The following OXR1 variants were observed in gnomAD, a reference collection of about 807,000 sequenced individuals.
OXR1 encodes oxidation resistance protein 1.
In OXR1, 41 loss-of-function variants were observed where a neutral mutation model predicts 104.6. The observed-to-expected ratio is 0.39, with a 90% CI of 0.31 to 0.51. The LOEUF is 0.51. Ranked by LOEUF, OXR1 falls within the 20% of genes least tolerant of loss-of-function variation. The pLI is 0.77. For synonymous variants in OXR1, 348 were observed against 348.4 expected (o/e 1.00, Z 0.01); for missense variants, 955 against 1,031.9 (o/e 0.93, Z 1.02).
chr8:106,270,764 A>G (rs1811763989), intron 1 of OXR1, among the ~76,000 whole-genome samples: 1 of 151,972 alleles, frequency 6.6e-6, no homozygotes. Context: ...GAGCAGCGTG[A>G]GAGCAGTGTT....
chr8:106,299,423 G>C (rs1303320827), intron 1 of OXR1, among the ~76,000 whole-genome samples: 1 of 152,230 alleles, frequency 6.6e-6, no homozygotes, highest in Non-Finnish European at 1.5e-5. Flanking sequence ...GCACATTAGA[G>C]TGATACACAA....
At chr8:106,446,542 T>TG in intron 2 of OXR1, among the ~76,000 whole-genome samples, 1 of 151,118 alleles carries the variant, frequency 6.6e-6, no homozygotes, top group South Asian at 2.1e-4. Flanking sequence ...TGCTTGAACC[T>TG]GGGAGGCGGA....
At chr8:106,404,184 G>C (rs1488260571) in intron 2 of OXR1, among the ~76,000 whole-genome samples, 1 of 152,114 alleles carries the variant, frequency 6.6e-6, no homozygotes, top group African/African-American at 2.4e-5. Context: ...GAGATGCTGG[G>C]AGTAAGGAAG....
chr8:106,724,234 A>G (rs1833117950), intron 11 of OXR1, among the ~76,000 whole-genome samples: 1 of 152,212 alleles, frequency 6.6e-6, no homozygotes, highest in African/African-American at 2.4e-5. Context: ...AATTATGAGA[A>G]CAGATTATGT....
chr8:106,658,143 C>T (rs934324528), intron 3 of OXR1: 6 of 1,245,736 alleles, frequency 4.8e-6, no homozygotes, highest in Non-Finnish European at 6.1e-6. Context: ...GTGCGGGTCC[C>T]CGCCCCACCG....
intron 7 of OXR1, 145 bp downstream of exon 7, chr8:106,693,022 G>T (rs1162661466): frequency 4.9e-5 from 25 of 505,420 alleles, no homozygotes; most frequent in Admixed American, 1.9e-4. Context: ...ATTATTTTGG[G>T]TTAGTATGGA....
chr8:106,348,557 G>A (rs988110890), intron 1 of OXR1, among the ~76,000 whole-genome samples: 2 of 151,738 alleles, frequency 1.3e-5, no homozygotes, highest in Non-Finnish European at 1.5e-5. Context: ...CAATCCACAT[G>A]GGTTTGAACC....
chr8:106,548,681 G>A (rs1255347565), intron 3 of OXR1, among the ~76,000 whole-genome samples: 2 of 152,166 alleles, frequency 1.3e-5, no homozygotes, highest in East Asian at 3.9e-4. Flanking sequence ...TATACTGTAT[G>A]TTTAGGAACT....
At chr8:106,742,359 C>A in intron 15 of OXR1, 42 bp downstream of exon 15, 1 of 1,119,618 alleles carries the variant, frequency 8.9e-7, no homozygotes, top group Non-Finnish European at 1.4e-6. Flanking sequence ...AAAGAGTTGA[C>A]ATAACATACT....
At position 106,692,806 on chromosome 8, in the gene OXR1, ACTT is replaced by A; in HGVS notation, c.607_609del (p.Ser203del). The A allele has an allele frequency of 6.2e-7, 1 of 1,606,038 alleles. No individual in the cohort carries two copies. The highest frequency in any genetic ancestry group is 1.1e-5 in the South Asian group (1 of 90,514). On this transcript the variant is annotated inframe_deletion, in exon 7 of 17. Coordinates refer to ENST00000517566, the MANE Select transcript of OXR1 (RefSeq NM_001198533.2). The stretch of plus-strand genomic sequence containing the variant: ...TCGACCTGCACGAGTTGTATCTTCA[ACTT>A]CTGAGGAGGAGGAAGCATTTACTGA...
intron 1 of OXR1, chr8:106,272,002 C>T (rs1811837043): frequency 6.6e-6 from 1 of 152,108 alleles, no homozygotes; most frequent in South Asian, 2.1e-4. Context: ...CACGATGGCT[C>T]CAAAAGGCCA....
chr8:106,545,546 A>G (rs1263414297), intron 3 of OXR1, among the ~76,000 whole-genome samples: 2 of 152,202 alleles, frequency 1.3e-5, no homozygotes, highest in African/African-American at 4.8e-5. Context: ...CTGTAAACCT[A>G]TAATAATTAA....
chr8:106,482,251 T>G (rs937041525), intron 2 of OXR1, among the ~76,000 whole-genome samples: 4 of 151,978 alleles, frequency 2.6e-5, no homozygotes, highest in Non-Finnish European at 5.9e-5. Context: ...GGCTGTGGTA[T>G]GGGCATGCCT....
At chr8:106,504,005 A>C (rs987278974) in intron 2 of OXR1, among the ~76,000 whole-genome samples, 1 of 152,318 alleles carries the variant, frequency 6.6e-6, no homozygotes, top group East Asian at 1.9e-4. Flanking sequence ...CCACCCAACA[A>C]GAGAGAGTCA....
At chr8:106,508,962 A>G (rs1039886144) in intron 2 of OXR1, among the ~76,000 whole-genome samples, 2 of 152,212 alleles carry the variant, frequency 1.3e-5, no homozygotes, top group Admixed American at 6.5e-5. Context: ...CAGCTTGTCC[A>G]TATGATTTAT....
chr8:106,718,478 C>T (rs182935897), intron 11 of OXR1, among the ~76,000 whole-genome samples: 1 of 152,288 alleles, frequency 6.6e-6, no homozygotes, highest in African/African-American at 2.4e-5. Flanking sequence ...ATTCTTACTG[C>T]TCACGATGTG....
At chr8:106,569,500 G>A (rs546549224) in intron 3 of OXR1, among the ~76,000 whole-genome samples, 163 of 152,198 alleles carry the variant, frequency 1.1e-3, no homozygotes, top group Admixed American at 1.5e-3. Context: ...AGTGTTGAAC[G>A]GCAAGAACAT....
chr8:106,623,902 G>A (rs11989387), intron 3 of OXR1, among the ~76,000 whole-genome samples: 25,319 of 152,102 alleles, frequency 0.17, 2,267 homozygotes, highest in East Asian at 0.38. Context: ...CATTTCCCCA[G>A]ACTACCTCAA....
intron 3 of OXR1, among the ~76,000 whole-genome samples, chr8:106,672,546 AAGAAAGAG>A (rs1240908933): frequency 1.4e-5 from 2 of 148,032 alleles, no homozygotes; most frequent in East Asian, 2.2e-4. Context: ...AGAAAAAGAA[AAGAAAGAG>A]AGAAAGGAAG....
Sources: allele counts gnomAD v4.1 joint callset (sites outside exome capture counted in the v4.1 genomes callset), GRCh38; gene constraint gnomAD v4.1.1; transcripts MANE v1.5; gene names NCBI Gene and HGNC (gene_info 2026-07-23, HGNC 2026-07-21).